Variants in KMT2D observed in about 807,000 individuals in gnomAD.
KMT2D encodes the protein histone-lysine N-methyltransferase 2D.
KMT2D carries 55 observed loss-of-function variants against 512.7 expected under a neutral mutation model. The ratio of observed to expected loss-of-function variants is 0.11; its 90% confidence interval spans 0.09 to 0.13. KMT2D has a LOEUF of 0.13. Ranked by LOEUF, KMT2D falls within the 10% of genes least tolerant of loss-of-function variation. The probability of loss-of-function intolerance (pLI) is 1.00; values close to 1 mark genes in which losing one functional copy is unlikely to be tolerated. For missense variants in KMT2D, 6,061 were observed against 7,127.9 expected, an observed-to-expected ratio of 0.85 and a Z score of 5.39; for synonymous variants, 2,995 against 2,904.0, an observed-to-expected ratio of 1.03 and a Z score of -1.01.
In KMT2D at chr12:49,031,518, G is replaced by C; in HGVS notation, c.13187C>G (p.Pro4396Arg). 1 of 1,610,990 alleles carries C rather than the reference G, an allele frequency of 6.2e-7. No homozygotes were observed. Among genetic ancestry groups the C allele is most frequent in the Non-Finnish European group, 8.5e-7 (1 of 1,178,642 alleles). The change falls in exon 40 of 55, where the codon CCT (proline) becomes CGT (arginine). Residue 4396 changes from proline (P) to arginine (R), a missense_variant. Physicochemically the swap from Pro to Arg is moderately radical, Grantham distance 103. Coordinates refer to ENST00000301067, the MANE Select transcript of KMT2D (RefSeq NM_003482.4). Reference protein sequence around the residue: ...TQKPEQSSLVPGHLDQVNGQV... With the variant: ...TQKPEQSSLVRGHLDQVNGQV... ...TCCATTCACCTGGTCCAGATGCCCA[G>C]GTACCAGGCTGCTCTGCTCTGGCTT...
rs770564312 is a variant in KMT2D, at chr12:49,038,499, T to C, written c.8857A>G (p.Lys2953Glu). Reference protein sequence around the residue: ...NNSLHPTPHTKGPTLPTGLEL... With the variant: ...NNSLHPTPHTEGPTLPTGLEL... Reference sequence around the variant, plus strand: ...AAACCAGTTGGCAGGGTAGGACCCTTGGTGTGGGGTGTTGGATGAAGACTG... The same window carrying C: ...AAACCAGTTGGCAGGGTAGGACCCTCGGTGTGGGGTGTTGGATGAAGACTG... Residue 2953 changes from lysine to glutamate, a missense_variant, in exon 35 of 55, where the codon AAG becomes GAG. Lys to Glu is a moderately conservative substitution (Grantham distance 56). Around this residue, in one of 16 missense-constraint regions of KMT2D, gnomAD observed 527 missense variants for 578.9 expected, o/e 0.91. Transcript: ENST00000301067. The surrounding 1 kb of genome is among the most constrained non-coding windows in gnomAD (Gnocchi z 5.7). The C allele has an allele frequency of 6.2e-7, 1 of 1,605,908 alleles. No individual in the cohort carries two copies. The highest frequency in any genetic ancestry group is 2.2e-5 in the East Asian group (1 of 44,696).
chr12:49,034,705 T>C, intron 36 of KMT2D, 39 bp from the exon 37 acceptor site: 10 of 1,604,776 alleles, frequency 6.2e-6, no homozygotes, highest in Non-Finnish European at 8.5e-6. Flanking sequence ...GTGTTGGCAA[T>C]AAGAAAGTTG....
rs774658767 is a variant in KMT2D, at chr12:49,032,500, G to A, written c.12205C>T (p.Leu4069Phe). 172 of 1,576,676 alleles carry A rather than the reference G, an allele frequency of 1.1e-4. No individual in the cohort carries two copies. The highest frequency in any genetic ancestry group is 1.4e-4 in the Non-Finnish European group (164 of 1,160,992). ...ATEPGEVKPS[L>F]SGDSQLLLVQ... ...AGCAGGAGTTGTGAGTCCCCAGAGA[G>A]TGAGGGCTTTACCTCTCCTGGTTCA... The change falls in exon 40 of 55, where the codon CTC becomes TTC. Residue 4069 changes from leucine to phenylalanine, a missense_variant. By Grantham distance (22) the Leu-to-Phe change is conservative. Around this residue, in one of 16 missense-constraint regions of KMT2D, gnomAD observed 1,600 missense variants for 1,754.9 expected, o/e 0.91. Coordinates refer to ENST00000301067, the MANE Select transcript of KMT2D (RefSeq NM_003482.4).
chr12:49,025,421 G>A (rs886266736), intron 49 of KMT2D, among the ~76,000 whole-genome samples: 6 of 152,152 alleles, frequency 3.9e-5, no homozygotes, highest in African/African-American at 1.2e-4. Context: ...CATACTTACC[G>A]TATGTTACAA....
In KMT2D at chr12:49,051,116, T is replaced by G; in HGVS notation, c.2567A>C (p.Glu856Ala). Residue 856 changes from glutamate (E) to alanine (A), a missense_variant, in exon 11 of 55, where the codon GAG (glutamate) becomes GCG (alanine). Coordinates refer to ENST00000301067, the MANE Select transcript of KMT2D (RefSeq NM_003482.4). Reference sequence around the variant, plus strand: ...AGGCCGAGGGGACAGGGGTGGCTTCTCAAGCTCAGGGGACAGATGCGATTC... The same window carrying G: ...AGGCCGAGGGGACAGGGGTGGCTTCGCAAGCTCAGGGGACAGATGCGATTC... The part of the protein sequence containing the change: ...PEESHLSPEL[E>A]KPPLSPRPEK... 6.6e-6 allele frequency: 10 copies of G among 1,520,160 alleles called. No individual in the cohort carries two copies. Among genetic ancestry groups the G allele is most frequent in the Non-Finnish European group, 8.8e-6 (10 of 1,135,502 alleles). The allele number at this position is 1,520,160 out of a possible 1,614,324, so 94.2% of individuals were successfully genotyped here.
In KMT2D at chr12:49,051,998, G is replaced by A. The variant is rs2120679933; in HGVS notation, c.1685C>T (p.Pro562Leu). 8.1e-6 allele frequency: 13 copies of A among 1,612,826 alleles called. No homozygotes were observed. The highest frequency in any genetic ancestry group is 1.0e-5 in the Non-Finnish European group (12 of 1,179,534). Residue 562 changes from proline to leucine, a missense_variant, in exon 11 of 55, where the codon CCC (proline) becomes CTC (leucine). Transcript: ENST00000301067. ...SPLSPPPEEL[P>L]TSPPPEASRL... ...AGATGCTTCAGGTGGCGGGGAAGTGGGCAATTCCTCAGGTGGCGGGGACAA... is the reference window on the plus strand; with the variant it reads ...AGATGCTTCAGGTGGCGGGGAAGTGAGCAATTCCTCAGGTGGCGGGGACAA...
Position 49,032,957 on chromosome 12 carries a change from C to T in KMT2D, c.11748G>A (p.Gln3916=). 2 of 1,550,794 alleles carry T rather than the reference C, an allele frequency of 1.3e-6. No homozygotes were observed. Among genetic ancestry groups the T allele is most frequent in the South Asian group, 1.2e-5 (1 of 84,014 alleles). ...GCTGTTGCTGTTGTAGCTGCTGCTG[C>T]TGCTGCTGCTGAAGTTGCTGTTGCT... is the stretch of plus-strand genomic sequence containing the variant. The part of the protein sequence containing the change: ...LQQQQQLQQQ[Q]QQQLQQQQQL... The change falls in exon 40 of 55, where the codon CAG becomes CAA. Residue 3916 remains glutamine (Q), a synonymous_variant. Transcript: ENST00000301067.
At chr12:49,053,865 G>A (rs1194475410) in intron 6 of KMT2D, 113 bp downstream of exon 6, 14 of 1,251,048 alleles carry the variant, frequency 1.1e-5, no homozygotes, top group Non-Finnish European at 1.6e-5. Context: ...ATTTTAGTGG[G>A]GCAGACCAAC....
At chr12:49,034,745 A>G in intron 36 of KMT2D, 67 bp downstream of exon 36, 2 of 1,607,050 alleles carry the variant, frequency 1.2e-6, no homozygotes, top group Non-Finnish European at 1.7e-6. Flanking sequence ...ACAAGTAGGG[A>G]GGGGAGCCAA....
At chr12:49,059,195 T>C (rs144539465) in intron 1 of KMT2D, among the ~76,000 whole-genome samples, 4 of 152,240 alleles carry the variant, frequency 2.6e-5, no homozygotes, top group African/African-American at 9.6e-5. Context: ...GGCATAAGTC[T>C]GACCTGGCAG....
In KMT2D at chr12:49,033,402, G is replaced by T; in HGVS notation, c.11303C>A (p.Ala3768Asp). ...QQGPGVQTNQALGPKPQGLMP... is the reference protein window; with the variant it reads ...QQGPGVQTNQDLGPKPQGLMP... ...AAGGCCCTGGGGCTTGGGACCCAGA[G>T]CTTGGTTTGTCTGTACTCCAGGACC... The change falls in exon 40 of 55, where the codon GCT becomes GAT. Residue 3768 changes from alanine (A) to aspartate (D), a missense_variant. Transcript: ENST00000301067. The T allele has an allele frequency of 1.9e-6, 3 of 1,573,672 alleles. No individual in the cohort carries two copies. Among genetic ancestry groups the T allele is most frequent in the Non-Finnish European group, 2.6e-6 (3 of 1,159,606 alleles).
intron 14 of KMT2D, 82 bp downstream of exon 14, chr12:49,048,577 G>C: frequency 1.2e-6 from 1 of 858,844 alleles, no homozygotes; most frequent in Non-Finnish European, 1.9e-6. Flanking sequence ...TATCCCCAAA[G>C]TAGGTCCAGT....
rs2120406287 is a variant in KMT2D at position 49,030,650 on chromosome 12, C to A, written c.13790G>T (p.Ser4597Ile). 1 of 1,608,834 alleles carries A rather than the reference C, an allele frequency of 6.2e-7. No individual in the cohort carries two copies. Among genetic ancestry groups the A allele is most frequent in the African/African-American group, 1.3e-5 (1 of 74,796 alleles). The part of the protein sequence containing the change: ...GQSQLRGAFG[S>I]GALPTGPDYY... ...GTCAGGGCCAGTGGGCAGCGCCCCACTTCCAAAGGCCCCCCTCAGCTGGCT... is the reference window on the plus strand; with the variant it reads ...GTCAGGGCCAGTGGGCAGCGCCCCAATTCCAAAGGCCCCCCTCAGCTGGCT... The change falls in exon 42 of 55, where the codon AGT (serine) becomes ATT (isoleucine). Residue 4597 changes from serine (S) to isoleucine (I), a missense_variant. Ser to Ile is a moderately radical substitution (Grantham distance 142). This residue lies in a region of KMT2D where 1,600 missense variants were observed against 1,754.9 expected (regional missense o/e 0.91). Transcript: ENST00000301067.
chr12:49,043,138 T>C lies in KMT2D; in HGVS notation c.5582A>G (p.Glu1861Gly), dbSNP rs2120564088. 6.2e-7 allele frequency: 1 copy of C among 1,613,992 alleles called. No individual in the cohort carries two copies. The highest frequency in any genetic ancestry group is 1.1e-5 in the South Asian group (1 of 91,086). The change falls in exon 26 of 55, where the codon GAG becomes GGG. Residue 1861 changes from glutamate (E) to glycine (G), a missense_variant. Coordinates refer to ENST00000301067, the MANE Select transcript of KMT2D (RefSeq NM_003482.4). ...VKASPVPSDP[E>G]KPGTPGEGML... ...CCCTTCACCTGGGGTGCCTGGCTTC[T>C]CAGGGTCACTGGGCACTGGGGATGC...
rs777667777 is a variant in KMT2D at position 49,032,688 on chromosome 12, A to C, written c.12017T>G (p.Leu4006Arg). 1.9e-6 allele frequency: 3 copies of C among 1,613,192 alleles called. No individual in the cohort carries two copies. In the East Asian group the frequency reaches 6.7e-5, roughly 36 times the overall value. ...GGCTCCAGGGCTAGAAAAGTGTTGA[A>C]GAGGCTTTGCTGGCATGCCAGGGCC... ...ALGPGMPAKP[L>R]QHFSSPGALG... The change falls in exon 40 of 55, where the codon CTT becomes CGT. Residue 4006 changes from leucine (L) to arginine (R), a missense_variant. Physicochemically the swap from Leu to Arg is moderately radical, Grantham distance 102. Coordinates refer to ENST00000301067, the MANE Select transcript of KMT2D (RefSeq NM_003482.4).
rs2120491817 is a variant in KMT2D, at chr12:49,038,199, T to C, written c.9157A>G (p.Thr3053Ala). ...TCCCCAGTGTCCAGCTCAGGATCAG[T>C]ATATGCCAGCAGGTCAAACTCGTCT... Reference protein sequence around the residue: ...NGDEFDLLAYTDPELDTGDKK... With the variant: ...NGDEFDLLAYADPELDTGDKK... Residue 3053 changes from threonine (T) to alanine (A), a missense_variant, in exon 35 of 55, where the codon ACT becomes GCT. Coordinates refer to ENST00000301067, the MANE Select transcript of KMT2D (RefSeq NM_003482.4). The surrounding 1 kb of genome is among the most constrained non-coding windows in gnomAD (Gnocchi z 5.7). 1.9e-6 allele frequency: 3 copies of C among 1,613,842 alleles called. No homozygotes were observed. The South Asian group carries it at 3.3e-5, about 18-fold the overall frequency.
At position 49,021,890 on chromosome 12, in the gene KMT2D, C is replaced by A; in HGVS notation, c.16522-18G>T. The stretch of plus-strand genomic sequence containing the variant: ...TAGGTTAGCTGAAAAGAGAAGAGGG[C>A]AGAATCAATGCTAGTCCCCCACAGG... On this transcript the variant is annotated intron_variant, in intron 54 of 54. Coordinates refer to ENST00000301067, the MANE Select transcript of KMT2D (RefSeq NM_003482.4). 6.2e-7 allele frequency: 1 copy of A among 1,606,970 alleles called. No homozygotes were observed. Among genetic ancestry groups the A allele is most frequent in the Non-Finnish European group, 8.5e-7 (1 of 1,173,550 alleles).
In KMT2D at chr12:49,054,629, C is replaced by G. The variant is rs371058953; in HGVS notation, c.299G>C (p.Gly100Ala). 8.1e-6 allele frequency: 13 copies of G among 1,613,050 alleles called. No individual in the cohort carries two copies. Among genetic ancestry groups the G allele is most frequent in the Non-Finnish European group, 1.1e-5 (13 of 1,179,484 alleles). Residue 100 changes from glycine (G) to alanine (A), a missense_variant, in exon 4 of 55, where the codon GGG becomes GCG. This residue lies in a region of KMT2D where 144 missense variants were observed against 165.7 expected (regional missense o/e 0.87). Transcript: ENST00000301067. This position sits in a 1 kb window ranked among gnomAD's most constrained non-coding sequence, Gnocchi z 6.4. ...TGCCTCATTGGGCCCTGGGCTCCCC[C>G]CAGGGGACACCACTGGACACCGGGG... is the stretch of plus-strand genomic sequence containing the variant. ...DWPRCPVVSP[G>A]GSPGPNEAVL...
intron 43 of KMT2D, 80 bp from the exon 44 acceptor site, chr12:49,029,556 A>C: frequency 9.8e-7 from 1 of 1,024,660 alleles, no homozygotes; most frequent in Non-Finnish European, 1.5e-6. Flanking sequence ...TTTTAGGCCT[A>C]ATTAGCATGA....
Sources: allele counts gnomAD v4.1 joint callset (sites outside exome capture counted in the v4.1 genomes callset), GRCh38; gene constraint gnomAD v4.1.1; regional missense constraint gnomAD v4.1.1; non-coding constraint Gnocchi (gnomAD v3.1); transcripts MANE v1.5; gene names NCBI Gene and HGNC (gene_info 2026-07-23, HGNC 2026-07-21).